LGR6: variants seen among roughly 807,000 people sequenced by gnomAD.
LGR6 encodes leucine rich repeat containing G protein-coupled receptor 6.
A neutral mutation model predicts 69.4 loss-of-function variants in LGR6; 45 were observed. The ratio of observed to expected loss-of-function variants is 0.65; its 90% CI spans 0.51 to 0.83. The LOEUF (loss-of-function observed/expected upper bound fraction) is 0.83, where lower values mean the gene tolerates loss of function less well. Among genes scored for constraint, LGR6 ranks in the 40% least tolerant of loss-of-function variants. The pLI is 0.00. For missense variants in LGR6, 1,108 were observed against 1,246.7 expected (o/e 0.89, Z 1.68); for synonymous variants, 538 against 555.0 (o/e 0.97, Z 0.43).
intron 1 of LGR6, among the ~76,000 whole-genome samples, chr1:202,211,808 A>T (rs143865680): frequency 6.6e-6 from 1 of 152,330 alleles, no homozygotes; most frequent in Non-Finnish European, 1.5e-5. Context: ...GCTTTCCAGA[A>T]GCCCTCCACC....
intron 3 of LGR6, among the ~76,000 whole-genome samples, chr1:202,234,389 T>G (rs187336139): frequency 1.7e-3 from 264 of 152,358 alleles, no homozygotes; most frequent in African/African-American, 6.2e-3. Context: ...CTTGTGATGC[T>G]GAGGTTGGGT....
chr1:202,259,487 C>T (rs1030582373), intron 4 of LGR6, among the ~76,000 whole-genome samples: 1 of 152,106 alleles, frequency 6.6e-6, no homozygotes, highest in Non-Finnish European at 1.5e-5. Context: ...TAGTTTTGAG[C>T]ATTATCTTTT....
chr1:202,288,266 A>C (rs761652685), intron 6 of LGR6, among the ~76,000 whole-genome samples: 1 of 152,112 alleles, frequency 6.6e-6, no homozygotes, highest in Admixed American at 6.5e-5. Flanking sequence ...ACCACTTTGC[A>C]ACCTCCATTC....
intron 1 of LGR6, chr1:202,210,691 T>G (rs968962891): frequency 6.6e-6 from 1 of 152,230 alleles, no homozygotes; most frequent in African/African-American, 2.4e-5. Context: ...ACCCTTCCAC[T>G]TAGAAGCTTT....
intron 16 of LGR6, 33 bp from the exon 17 acceptor site, chr1:202,314,769 C>T (rs1430168063): frequency 6.5e-7 from 1 of 1,542,020 alleles, no homozygotes; most frequent in East Asian, 2.2e-5. Context: ...CACCAAGACC[C>T]AGGACCCTGC....
chr1:202,194,415 T>C, intron 1 of LGR6: 1 of 591,412 alleles, frequency 1.7e-6, no homozygotes, highest in South Asian at 2.1e-5. Flanking sequence ...CTTCCCTGAC[T>C]TGGCTTCCCC....
intron 6 of LGR6, among the ~76,000 whole-genome samples, chr1:202,292,541 C>T (rs1034239000): frequency 8.9e-5 from 13 of 146,216 alleles, no homozygotes; most frequent in African/African-American, 3.1e-4. Flanking sequence ...TGTTTTTGGC[C>T]TGTAGCTGGT....
chr1:202,299,826 A>G (rs1667447162), intron 7 of LGR6, among the ~76,000 whole-genome samples: 1 of 152,174 alleles, frequency 6.6e-6, no homozygotes, highest in African/African-American at 2.4e-5. Context: ...CCAAAGAAAA[A>G]GAGAGGGAAG....
intron 4 of LGR6, among the ~76,000 whole-genome samples, chr1:202,274,833 T>C (rs532023238): frequency 6.6e-6 from 1 of 152,328 alleles, no homozygotes; most frequent in South Asian, 2.1e-4. Context: ...GAAGGGCTTT[T>C]GGTCCCATCA....
At chr1:202,220,972 A>G (rs1472317870) in intron 1 of LGR6, among the ~76,000 whole-genome samples, 1 of 152,202 alleles carries the variant, frequency 6.6e-6, no homozygotes, top group African/African-American at 2.4e-5. Flanking sequence ...CAGAGATTAG[A>G]TCATCAAGTC....
chr1:202,236,493 C>A (rs1313987473), intron 4 of LGR6, among the ~76,000 whole-genome samples: 1 of 152,208 alleles, frequency 6.6e-6, no homozygotes, highest in Non-Finnish European at 1.5e-5. Flanking sequence ...CATAACAGAT[C>A]CCTCCCTCCA....
intron 4 of LGR6, among the ~76,000 whole-genome samples, chr1:202,256,272 C>T (rs1451470454): frequency 6.6e-6 from 1 of 151,980 alleles, no homozygotes; most frequent in East Asian, 1.9e-4. Flanking sequence ...GAGATAGAGT[C>T]TCGCTCAGCC....
intron 4 of LGR6, among the ~76,000 whole-genome samples, chr1:202,237,424 C>T (rs577659020): frequency 6.6e-6 from 1 of 152,372 alleles, no homozygotes; most frequent in Middle Eastern, 3.4e-3. Context: ...GAGAATTTGA[C>T]ATTTCATCCA....
At chr1:202,272,367 G>A (rs78174563) in intron 4 of LGR6, among the ~76,000 whole-genome samples, 2,123 of 152,208 alleles carry the variant, frequency 0.014, 55 homozygotes, top group African/African-American at 0.049. Context: ...AGTCCTGGCC[G>A]ATTTCTTCCA....
chr1:202,288,729 G>A (rs139858118), intron 6 of LGR6, among the ~76,000 whole-genome samples: 54 of 152,334 alleles, frequency 3.5e-4, no homozygotes, highest in African/African-American at 1.3e-3. Flanking sequence ...CCTGGATATG[G>A]ACTGAACCCA....
chr1:202,314,484 C>T (rs1301126939), intron 16 of LGR6, among the ~76,000 whole-genome samples: 2 of 152,222 alleles, frequency 1.3e-5, no homozygotes, highest in Non-Finnish European at 2.9e-5. Flanking sequence ...ATTATTGAAA[C>T]AGCTTCCACT....
intron 6 of LGR6, among the ~76,000 whole-genome samples, chr1:202,296,893 A>G (rs1353405408): frequency 6.6e-6 from 1 of 152,154 alleles, no homozygotes; most frequent in Admixed American, 6.5e-5. Flanking sequence ...GTTTTCCCAC[A>G]TTCTTGCCAA....
intron 4 of LGR6, among the ~76,000 whole-genome samples, chr1:202,242,059 G>T (rs1174175308): frequency 6.6e-6 from 1 of 152,216 alleles, no homozygotes; most frequent in South Asian, 2.1e-4. Flanking sequence ...TGGTGTGCTC[G>T]TGGGCCGGGG....
intron 6 of LGR6, among the ~76,000 whole-genome samples, chr1:202,286,623 A>G (rs527239646): frequency 6.6e-6 from 1 of 152,296 alleles, no homozygotes; most frequent in South Asian, 2.1e-4. Context: ...GAGGCTAAGA[A>G]TCAAGGAACT....
Sources: gnomAD v4.1 joint callset for allele counts (sites outside exome capture counted in the v4.1 genomes callset) on GRCh38, gnomAD v4.1.1 for gene constraint, MANE v1.5 for transcripts, NCBI Gene and HGNC (gene_info 2026-07-23, HGNC 2026-07-21) for gene names.